TG: variants seen among roughly 807,000 people sequenced by gnomAD.
TG encodes thyroglobulin, also known as thyroid hormones.
Under a neutral mutation model 324.7 loss-of-function variants are expected in TG, and 270 were observed. The ratio of observed to expected loss-of-function variants is 0.83; its 90% confidence interval spans 0.75 to 0.92. The LOEUF (loss-of-function observed/expected upper bound fraction) is 0.92, where lower values mean the gene tolerates loss of function less well. Ranked by LOEUF, TG falls within the 40% of genes least tolerant of loss-of-function variation. The pLI is 0.00. For synonymous variants in TG, 1,401 were observed against 1,327.0 expected (o/e 1.06, Z -1.21); for missense variants, 3,591 against 3,456.4 (o/e 1.04, Z -0.98).
In TG at chr8:133,096,295, G is replaced by A; in HGVS notation, c.7494G>A (p.Arg2498=). 6.2e-7 allele frequency: 1 copy of A among 1,614,202 alleles called. No individual in the cohort carries two copies. Among genetic ancestry groups the A allele is most frequent in the South Asian group, 1.1e-5 (1 of 91,082 alleles). Residue 2498 remains arginine (R), a synonymous_variant, in exon 43 of 48, where the codon AGG becomes AGA. Coordinates refer to ENST00000220616, the MANE Select transcript of TG (RefSeq NM_003235.5). The part of the protein sequence containing the change: ...LREPPARALK[R]SLWVEVDLLI... ...AGCCTCCAGCCAGAGCACTGAAGAGGTCTTTATGGGTAGAGGTCGATCTGC... is the reference window on the plus strand; with the variant it reads ...AGCCTCCAGCCAGAGCACTGAAGAGATCTTTATGGGTAGAGGTCGATCTGC...
At chr8:132,983,006 A>G (rs1404147657) in intron 34 of TG, among the ~76,000 whole-genome samples, 1 of 152,242 alleles carries the variant, frequency 6.6e-6, no homozygotes, top group African/African-American at 2.4e-5. Flanking sequence ...AATCTGCTGC[A>G]TTCGCTTTGC....
At chr8:132,908,594 A>T (rs1460153839) in intron 18 of TG, among the ~76,000 whole-genome samples, 1 of 152,020 alleles carries the variant, frequency 6.6e-6, no homozygotes, top group African/African-American at 2.4e-5. Context: ...AAGTCTTTTG[A>T]TGTCAAGGCT....
chr8:133,012,109 A>T lies in TG; in HGVS notation c.6397+74A>T, dbSNP rs1834565642. On this transcript the variant is annotated intron_variant, in intron 36 of 47. Coordinates refer to ENST00000220616, the MANE Select transcript of TG (RefSeq NM_003235.5). ...AAGTGCTGCTCAAGATTCTCAACTT[A>T]GAAAAACACATGAGACACTACGATA... 2.3e-5 allele frequency: 37 copies of T among 1,597,270 alleles called. No individual in the cohort carries two copies. In the South Asian group the frequency reaches 3.6e-4, roughly 16 times the overall value.
chr8:132,899,129 CACATTTTGTCCTAG>C (rs1817560430), intron 14 of TG: 1 of 586,644 alleles, frequency 1.7e-6, no homozygotes, highest in Non-Finnish European at 3.1e-6. Context: ...AAGATCAGGC[CACATTTTGTCCTAG>C]CTAATGCTAG....
chr8:133,111,454 T>TATC (rs1293789510), intron 43 of TG, among the ~76,000 whole-genome samples: 9 of 152,244 alleles, frequency 5.9e-5, no homozygotes, highest in African/African-American at 2.2e-4. Context: ...GGGTTACTAA[T>TATC]ATCATTTTTG....
chr8:132,908,368 G>A, intron 18 of TG, 28 bp downstream of exon 18: 1 of 1,515,894 alleles, frequency 6.6e-7, no homozygotes. Context: ...CCCACAGTGA[G>A]GGCTTGGACT....
intron 41 of TG, among the ~76,000 whole-genome samples, chr8:133,030,989 GTTTGT>G (rs1181650094): frequency 1.3e-5 from 2 of 152,186 alleles, no homozygotes; most frequent in African/African-American, 2.4e-5. Flanking sequence ...TTGTTTGCTT[GTTTGT>G]TTTGTTTTAT....
At chr8:132,935,659 G>T (rs971154479) in intron 24 of TG, 97 bp from the exon 25 acceptor site, 2 of 1,089,170 alleles carry the variant, frequency 1.8e-6, no homozygotes, top group African/African-American at 1.5e-5. Context: ...TACCTTTGTA[G>T]CCCTGGTGCC....
rs1821769520 is a variant in TG at position 132,925,694 on chromosome 8, G to A, written c.4699+2186G>A. On this transcript the variant is annotated intron_variant, in intron 22 of 47. Transcript: ENST00000220616. Reference sequence around the variant, plus strand: ...AGATGCTTCACAAATGAAGGAGACTGTGTCTTTACAGAATACAACTTGCCC... The same window carrying A: ...AGATGCTTCACAAATGAAGGAGACTATGTCTTTACAGAATACAACTTGCCC... 2.0e-5 allele frequency among the ~76,000 whole-genome samples: 3 copies of A among 152,206 alleles called. No homozygotes were observed. The South Asian group carries it at 6.2e-4, about 31-fold the overall frequency.
chr8:132,977,908 C>T (rs1008423058), intron 34 of TG, among the ~76,000 whole-genome samples: 1 of 152,180 alleles, frequency 6.6e-6, no homozygotes, highest in Non-Finnish European at 1.5e-5. Flanking sequence ...ATATGCCAAA[C>T]ACCTTGGAAG....
At position 133,013,776 on chromosome 8, in the gene TG, C is replaced by A; in HGVS notation, c.6562+12C>A. ...CTACCGGAAGCCAGGTAAGCCCAAG[C>A]CTATGCCTTTGCAGCCATCCTGGGA... On this transcript the variant is annotated intron_variant, in intron 37 of 47. Transcript: ENST00000220616. 1.9e-6 allele frequency: 3 copies of A among 1,607,008 alleles called. No homozygotes were observed. Among genetic ancestry groups the A allele is most frequent in the East Asian group, 2.2e-5 (1 of 44,858 alleles).
At position 132,972,584 on chromosome 8, in the gene TG, T is replaced by TC. The variant is rs1223963200; in HGVS notation, c.6056-14_6056-13insC. 6.2e-7 allele frequency: 1 copy of TC among 1,608,374 alleles called. No individual in the cohort carries two copies. The highest frequency in any genetic ancestry group is 8.5e-7 in the Non-Finnish European group (1 of 1,178,402). On this transcript the variant is annotated splice_polypyrimidine_tract_variant and intron_variant, in intron 33 of 47. Coordinates refer to ENST00000220616, the MANE Select transcript of TG (RefSeq NM_003235.5). ...CCTGATTGTGGTTTTTTGTTTTTTT[T>TC]TTTTCCACCCCAGGAGGAGAGGTGA... is the stretch of plus-strand genomic sequence containing the variant.
chr8:133,019,942 A>G lies in TG; in HGVS notation c.6876+247A>G, dbSNP rs150711585. On this transcript the variant is annotated intron_variant, in intron 39 of 47. Coordinates refer to ENST00000220616, the MANE Select transcript of TG (RefSeq NM_003235.5). ...TGCTTTTTCCATAGTGTCAGGAAGA[A>G]GACTGTGGACGTGGTTTGCAGTTTA... 5.3e-5 allele frequency among the ~76,000 whole-genome samples: 8 copies of G among 152,346 alleles called. No homozygotes were observed. In the East Asian group the frequency reaches 1.5e-3, roughly 29 times the overall value.
chr8:132,921,195 G>C (rs1265306692), intron 21 of TG, among the ~76,000 whole-genome samples: 1 of 152,198 alleles, frequency 6.6e-6, no homozygotes, highest in Non-Finnish European at 1.5e-5. Context: ...CTGGGGATTA[G>C]AGCTTCCATA....
At chr8:132,974,842 A>G (rs1331737220) in intron 34 of TG, among the ~76,000 whole-genome samples, 1 of 152,106 alleles carries the variant, frequency 6.6e-6, no homozygotes, top group Non-Finnish European at 1.5e-5. Flanking sequence ...TCATGAGCCT[A>G]CCCATTCCCT....
At chr8:133,028,866 C>G (rs546493876) in intron 40 of TG, among the ~76,000 whole-genome samples, 2 of 152,226 alleles carry the variant, frequency 1.3e-5, no homozygotes, top group Admixed American at 6.5e-5. Flanking sequence ...TAGTTTCTTG[C>G]TGGATGCTGA....
At position 133,013,340 on chromosome 8, in the gene TG, T is replaced by G. The variant is rs190970571; in HGVS notation, c.6398-260T>G. Among the ~76,000 whole-genome samples the G allele has an allele frequency of 3.5e-3, 530 of 152,064 alleles. 2 individuals carry two copies. The highest frequency in any genetic ancestry group is 0.012 in the African/African-American group (499 of 41,450). On this transcript the variant is annotated intron_variant, in intron 36 of 47. Coordinates refer to ENST00000220616, the MANE Select transcript of TG (RefSeq NM_003235.5). ...ATAGATGGATGGAAGGGTGGATGAGTGGTTGGGTGGATGGATGGATTGATG... is the reference window on the plus strand; with the variant it reads ...ATAGATGGATGGAAGGGTGGATGAGGGGTTGGGTGGATGGATGGATTGATG...
chr8:133,092,265 GACTA>G (rs1290718878), intron 41 of TG, among the ~76,000 whole-genome samples: 6 of 152,210 alleles, frequency 3.9e-5, no homozygotes, highest in African/African-American at 1.4e-4. Context: ...CAACTACAGT[GACTA>G]ACTGAGGTCA....
intron 27 of TG, among the ~76,000 whole-genome samples, chr8:132,955,976 G>A (rs1826804702): frequency 6.6e-6 from 1 of 152,228 alleles, no homozygotes; most frequent in African/African-American, 2.4e-5. Flanking sequence ...TTCAGGGGCT[G>A]GAGGCCTGTA....
Sources: gnomAD v4.1 joint callset for allele counts (sites outside exome capture counted in the v4.1 genomes callset) on GRCh38, gnomAD v4.1.1 for gene constraint, MANE v1.5 for transcripts, NCBI Gene and HGNC (gene_info 2026-07-23, HGNC 2026-07-21) for gene names.